Variants in MPPED2 observed in about 807,000 individuals in gnomAD.
The protein encoded by MPPED2 is metallophosphoesterase domain containing 2.
Under a neutral mutation model 33.0 loss-of-function variants are expected in MPPED2, and 5 were observed. The ratio of observed to expected loss-of-function variants is 0.15; its 90% CI spans 0.08 to 0.32. The LOEUF is 0.32. Ranked by LOEUF, MPPED2 falls within the 10% of genes least tolerant of loss-of-function variation. MPPED2 has a pLI of 1.00. For synonymous variants in MPPED2, 136 were observed against 141.9 expected (o/e 0.96, Z 0.29); for missense variants, 275 against 372.1 (o/e 0.74, Z 2.15).
intron 2 of MPPED2, among the ~76,000 whole-genome samples, chr11:30,571,713 A>C (rs1477296171): frequency 6.6e-6 from 1 of 152,206 alleles, no homozygotes; most frequent in Non-Finnish European, 1.5e-5. Flanking sequence ...TCCAAGACTC[A>C]GTAAGCTTCT....
intron 1 of MPPED2, chr11:30,585,102 C>T (rs1278656541): frequency 6.6e-6 from 1 of 152,180 alleles, no homozygotes; most frequent in Non-Finnish European, 1.5e-5. Flanking sequence ...AGAAAAATGC[C>T]CCCTTCACCT....
chr11:30,513,422 T>A (rs1435773103), intron 3 of MPPED2, among the ~76,000 whole-genome samples: 1 of 152,228 alleles, frequency 6.6e-6, no homozygotes, highest in Non-Finnish European at 1.5e-5. Context: ...CAACCAAGTG[T>A]CTTTCCATCT....
At chr11:30,489,960 G>A (rs1385253049) in intron 4 of MPPED2, among the ~76,000 whole-genome samples, 1 of 151,600 alleles carries the variant, frequency 6.6e-6, no homozygotes, top group African/African-American at 2.4e-5. Flanking sequence ...CAAAAGAAGA[G>A]CCTAGTCCCA....
chr11:30,494,762 AAAG>A (rs1445505893), intron 4 of MPPED2, among the ~76,000 whole-genome samples: 51 of 129,162 alleles, frequency 3.9e-4, no homozygotes, highest in African/African-American at 1.5e-3. Flanking sequence ...AAAAAAAAAG[AAAG>A]AAAGAAAGAA....
chr11:30,513,155 C>T (rs941770424), intron 3 of MPPED2, among the ~76,000 whole-genome samples: 1 of 152,124 alleles, frequency 6.6e-6, no homozygotes, highest in Admixed American at 6.5e-5. Flanking sequence ...ATCTCAGTGA[C>T]CAGCATTACC....
intron 4 of MPPED2, among the ~76,000 whole-genome samples, chr11:30,442,144 C>A (rs1056015434): frequency 6.6e-6 from 1 of 152,110 alleles, no homozygotes; most frequent in African/African-American, 2.4e-5. Context: ...TGAAGAAGAA[C>A]AGAGAAGAAC....
At chr11:30,543,866 A>C (rs1003612948) in intron 2 of MPPED2, among the ~76,000 whole-genome samples, 1 of 149,234 alleles carries the variant, frequency 6.7e-6, no homozygotes, top group Non-Finnish European at 1.5e-5. Flanking sequence ...GCCCCAGAAC[A>C]GTAATGGTGC....
chr11:30,470,866 G>A (rs1040526271), intron 4 of MPPED2, among the ~76,000 whole-genome samples: 17 of 151,996 alleles, frequency 1.1e-4, no homozygotes, highest in African/African-American at 2.4e-5. Context: ...TAGCCATCCT[G>A]CATAGACCAA....
intron 4 of MPPED2, among the ~76,000 whole-genome samples, chr11:30,481,076 G>A (rs550768077): frequency 2.0e-5 from 3 of 152,214 alleles, no homozygotes; most frequent in African/African-American, 7.2e-5. Context: ...TCTTCTTACA[G>A]TAGCTAATAC....
intron 4 of MPPED2, among the ~76,000 whole-genome samples, chr11:30,419,665 C>T (rs1405987943): frequency 6.6e-6 from 1 of 152,110 alleles, no homozygotes; most frequent in East Asian, 1.9e-4. Context: ...GTACATATGA[C>T]CCAAGTTGTG....
At chr11:30,387,015 T>C in exon 7 of MPPED2, 1 of 368,886 alleles carries the variant, frequency 2.7e-6, no homozygotes, top group Non-Finnish European at 4.8e-6. Context: ...TAGTTAGTAG[T>C]GATGGAAGCA....
At chr11:30,388,794 C>T (rs1947733645) in exon 7 of MPPED2, 2 of 1,362,472 alleles carry the variant, frequency 1.5e-6, no homozygotes, top group Middle Eastern at 1.9e-4. Flanking sequence ...TTCCTGTGTG[C>T]CTCTCTAGTT....
intron 2 of MPPED2, among the ~76,000 whole-genome samples, chr11:30,574,761 C>T (rs1372701703): frequency 6.6e-6 from 1 of 152,162 alleles, no homozygotes; most frequent in African/African-American, 2.4e-5. Flanking sequence ...AGACAAATTA[C>T]ATTTTTTATC....
chr11:30,499,540 C>A (rs543906862), intron 3 of MPPED2, among the ~76,000 whole-genome samples: 132 of 152,252 alleles, frequency 8.7e-4, no homozygotes, highest in Middle Eastern at 3.4e-3. Context: ...CCATAAGCAC[C>A]TTCCTTTTCC....
chr11:30,459,066 C>T (rs1257022083), intron 4 of MPPED2, among the ~76,000 whole-genome samples: 6 of 150,226 alleles, frequency 4.0e-5, no homozygotes, highest in African/African-American at 1.5e-4. Flanking sequence ...GCTGGGACTA[C>T]AGGCGCCCGC....
Position 30,583,134 on chromosome 11 carries a change from C to CTTTTTTTTTTTTTTTTT in MPPED2, c.-121-2657_-121-2641dup, listed in dbSNP as rs199611856. ...CACAAACACCTGGAAAAGACTTTTTCTTTTTTTTTTTTTTTTTTTTTTTTT... is the reference window on the plus strand; with the variant it reads ...CACAAACACCTGGAAAAGACTTTTTCTTTTTTTTTTTTTTTTTTTTTTTTTTTTTTTTTTTTTTTTTT... On this transcript the variant is annotated intron_variant, in intron 1 of 6. Coordinates refer to ENST00000358117, the MANE Select transcript of MPPED2 (RefSeq NM_001584.3). Among the ~76,000 whole-genome samples the CTTTTTTTTTTTTTTTTT allele has an allele frequency of 1.1e-3, 110 of 96,668 alleles. 14 individuals carry two copies. Among genetic ancestry groups the CTTTTTTTTTTTTTTTTT allele is most frequent in the African/African-American group, 5.0e-3 (103 of 20,678 alleles). 63.4% of individuals were successfully genotyped at this position (96,668 alleles called of 152,430 possible).
chr11:30,486,464 T>C (rs532701360), intron 4 of MPPED2, among the ~76,000 whole-genome samples: 28 of 152,358 alleles, frequency 1.8e-4, no homozygotes, highest in African/African-American at 6.3e-4. Context: ...TAGGACGTTC[T>C]GAGGGCCCAC....
At chr11:30,568,827 T>C (rs1417939584) in intron 2 of MPPED2, among the ~76,000 whole-genome samples, 1 of 152,142 alleles carries the variant, frequency 6.6e-6, no homozygotes, top group Admixed American at 6.5e-5. Context: ...GTTCTTTCAG[T>C]GCAAATCCTG....
intron 4 of MPPED2, among the ~76,000 whole-genome samples, chr11:30,420,366 G>A (rs1948557160): frequency 6.6e-6 from 1 of 152,202 alleles, no homozygotes; most frequent in Non-Finnish European, 1.5e-5. Flanking sequence ...TCTTCCTATA[G>A]AGCCTCCAAA....
Sources: gnomAD v4.1 joint callset for allele counts (sites outside exome capture counted in the v4.1 genomes callset) on GRCh38, gnomAD v4.1.1 for gene constraint, MANE v1.5 for transcripts, NCBI Gene and HGNC (gene_info 2026-07-23, HGNC 2026-07-21) for gene names.